The following SCGB2A1 variants were observed in gnomAD, a reference collection of about 807,000 sequenced individuals.
SCGB2A1 encodes mammaglobin-B.
In SCGB2A1, 6 loss-of-function variants were observed where a neutral mutation model predicts 9.2. That is an observed-to-expected ratio of 0.66 (90% confidence interval 0.36 to 1.29). SCGB2A1 has a LOEUF of 1.29. Among genes scored for constraint, SCGB2A1 ranks in the 50% most tolerant of loss-of-function variants. The pLI, the probability that SCGB2A1 is intolerant of heterozygous loss-of-function variation, is 0.03. For missense variants in SCGB2A1, 138 were observed against 116.9 expected (o/e 1.18, Z -0.83); for synonymous variants, 37 against 41.0 (o/e 0.90, Z 0.37).
intron 2 of SCGB2A1, among the ~76,000 whole-genome samples, chr11:62,211,133 A>C (rs1944828085): frequency 6.6e-6 from 1 of 152,064 alleles, no homozygotes; most frequent in Non-Finnish European, 1.5e-5. Context: ...CATGTTGGCC[A>C]GGCTGGTCTC....
Position 62,210,509 on chromosome 11 carries a change from A to G in SCGB2A1, c.152A>G (p.Asp51Gly), listed in dbSNP as rs1944820892. The G allele has an allele frequency of 1.3e-6, 2 of 1,597,052 alleles. No homozygotes were observed. The highest frequency in any genetic ancestry group is 2.4e-5 in the South Asian group (2 of 84,876). The part of the protein sequence containing the change: ...EYKELLQEFI[D>G]SDAAAEAMGK... ...AAAGAGCTTCTTCAAGAGTTCATAGACAGTGATGCCGCTGCAGAGGCTATG... is the reference window on the plus strand; with the variant it reads ...AAAGAGCTTCTTCAAGAGTTCATAGGCAGTGATGCCGCTGCAGAGGCTATG... The change falls in exon 2 of 3, where the codon GAC (aspartate) becomes GGC (glycine). Residue 51 changes from aspartate to glycine, a missense_variant. By Grantham distance (94) the Asp-to-Gly change is moderately conservative. Transcript: ENST00000244930.
At chr11:62,212,408 G>A (rs1032409351) in intron 2 of SCGB2A1, among the ~76,000 whole-genome samples, 2 of 151,408 alleles carry the variant, frequency 1.3e-5, no homozygotes, top group East Asian at 4.0e-4. Flanking sequence ...GCCAAGGCGG[G>A]CAGATCACTT....
chr11:62,213,926 A>C lies in SCGB2A1; in HGVS notation c.*156A>C. The C allele has an allele frequency of 3.4e-6, 2 of 579,712 alleles. No homozygotes were observed. The highest frequency in any genetic ancestry group is 3.0e-6 in the Non-Finnish European group (1 of 331,132). The allele number at this position is 579,712 out of a possible 1,614,324, so 35.9% of individuals were successfully genotyped here. A position where few individuals can be genotyped will look rare whatever the true frequency, so the allele number is the denominator to read the frequency against. On this transcript the variant is annotated 3_prime_UTR_variant, in exon 3 of 3. Coordinates refer to ENST00000244930, the MANE Select transcript of SCGB2A1 (RefSeq NM_002407.3). ...AAATTCATTTCCATTTCAATAAACT[A>C]ACTGCAAATCACTAAAATTCTTTCT...
chr11:62,213,116 T>TTTTTGTAGAGATGGCATTTTGTCA (rs1590656027), intron 2 of SCGB2A1, among the ~76,000 whole-genome samples: 3 of 123,924 alleles, frequency 2.4e-5, no homozygotes, highest in East Asian at 2.5e-4. Context: ...ATTTTTTTTT[T>TTTTTGTAGAGATGGCATTTTGTCA]TGTAGAGATG....
At chr11:62,211,589 G>A (rs1289070735) in intron 2 of SCGB2A1, among the ~76,000 whole-genome samples, 5 of 151,970 alleles carry the variant, frequency 3.3e-5, no homozygotes, top group Non-Finnish European at 7.4e-5. Context: ...TAGTAGAGAT[G>A]AGATTTTACC....
intron 1 of SCGB2A1, 27 bp from the exon 2 acceptor site, chr11:62,210,386 C>CTTT (rs201416395): frequency 3.8e-4 from 513 of 1,348,844 alleles, no homozygotes; most frequent in African/African-American, 2.5e-3. Flanking sequence ...GTTCTTGTGT[C>CTTT]TTTTTTTTTT....
rs575363472 is a variant in SCGB2A1 at position 62,212,931 on chromosome 11, T to C, written c.244-795T>C. ...ATACATATATATACACACACACATA[T>C]ATACACACATATGTACACACATATG... On this transcript the variant is annotated intron_variant, in intron 2 of 2. Coordinates refer to ENST00000244930, the MANE Select transcript of SCGB2A1 (RefSeq NM_002407.3). 1.3e-3 allele frequency among the ~76,000 whole-genome samples: 183 copies of C among 142,398 alleles called. 2 individuals are homozygous for C. The highest frequency in any genetic ancestry group is 2.9e-3 in the African/African-American group (118 of 40,154). The allele number at this position is 142,398 out of a possible 152,430, so 93.4% of individuals were successfully genotyped here.
At chr11:62,213,012 G>GCACATATA (rs1944846296) in intron 2 of SCGB2A1, among the ~76,000 whole-genome samples, 1 of 139,024 alleles carries the variant, frequency 7.2e-6, no homozygotes, top group Non-Finnish European at 1.5e-5. Context: ...ACACATATAT[G>GCACATATA]CACATATATA....
chr11:62,212,461 C>G (rs764677547), intron 2 of SCGB2A1, among the ~76,000 whole-genome samples: 3 of 151,476 alleles, frequency 2.0e-5, no homozygotes, highest in South Asian at 4.2e-4. Flanking sequence ...ATGCTGAAAC[C>G]CTGTCTCTAC....
At position 62,213,544 on chromosome 11, in the gene SCGB2A1, A is replaced by T. The variant is rs367700897; in HGVS notation, c.244-182A>T. ...CCTACAACCCTGGCCCCTGTTTGGC[A>T]TTATGAAGTGTCTCCTAGATAACAG... On this transcript the variant is annotated intron_variant, in intron 2 of 2. Transcript: ENST00000244930. 21 of 573,022 alleles carry T rather than the reference A, an allele frequency of 3.7e-5. No individual in the cohort carries two copies. In the Admixed American group the frequency reaches 7.1e-4, roughly 19 times the overall value. The allele number at this position is 573,022 out of a possible 1,614,324, so 35.5% of individuals were successfully genotyped here.
intron 2 of SCGB2A1, among the ~76,000 whole-genome samples, chr11:62,211,753 A>G (rs1488563799): frequency 6.6e-6 from 1 of 152,188 alleles, no homozygotes; most frequent in Non-Finnish European, 1.5e-5. Flanking sequence ...GTTAGCATAC[A>G]TGACTGGAAG....
At chr11:62,211,036 G>T (rs1215402284) in intron 2 of SCGB2A1, among the ~76,000 whole-genome samples, 1 of 151,130 alleles carries the variant, frequency 6.6e-6, no homozygotes, top group Non-Finnish European at 1.5e-5. Context: ...AGATTTGCCT[G>T]CCTCCACCTC....
At chr11:62,213,073 TATATACACATATATACAC>T (rs1464742619) in intron 2 of SCGB2A1, among the ~76,000 whole-genome samples, 728 of 26,094 alleles carry the variant, frequency 0.028, 21 homozygotes, top group African/African-American at 0.05. Flanking sequence ...CATATATACA[TATATACACATATATACAC>T]ATATATATAT....
Position 62,210,455 on chromosome 11 carries a change from T to C in SCGB2A1, c.98T>C (p.Ile33Thr). 6.6e-7 allele frequency: 1 copy of C among 1,507,950 alleles called. No individual in the cohort carries two copies. The highest frequency in any genetic ancestry group is 8.9e-7 in the Non-Finnish European group (1 of 1,118,420). 93.4% of individuals were successfully genotyped at this position (1,507,950 alleles called of 1,614,324 possible). A position where few individuals can be genotyped will look rare whatever the true frequency, so the allele number is the denominator to read the frequency against. ...CTGGAGGACATGGTTGAAAAGACCA[T>C]CAATTCCGACATATCTATACCTGAA... ...KLLEDMVEKTINSDISIPEYK... is the reference protein window; with the variant it reads ...KLLEDMVEKTTNSDISIPEYK... Residue 33 changes from isoleucine (I) to threonine (T), a missense_variant, in exon 2 of 3, where the codon ATC becomes ACC. Physicochemically the swap from Ile to Thr is moderately conservative, Grantham distance 89. Coordinates refer to ENST00000244930, the MANE Select transcript of SCGB2A1 (RefSeq NM_002407.3).
At chr11:62,209,635 A>ATGTGTGTGCG (rs1554985474) in intron 1 of SCGB2A1, among the ~76,000 whole-genome samples, 1 of 142,104 alleles carries the variant, frequency 7.0e-6, no homozygotes, top group African/African-American at 2.6e-5. Flanking sequence ...TTTCACATTC[A>ATGTGTGTGCG]TGTGTGTGTG....
intron 2 of SCGB2A1, among the ~76,000 whole-genome samples, chr11:62,213,050 A>ACG (rs1281683338): frequency 1.1e-4 from 9 of 78,992 alleles, no homozygotes; most frequent in African/African-American, 3.3e-4. Flanking sequence ...ATACATATAT[A>ACG]CACATATATA....
intron 1 of SCGB2A1, among the ~76,000 whole-genome samples, chr11:62,210,151 C>A (rs1944816598): frequency 6.6e-6 from 1 of 152,202 alleles, no homozygotes; most frequent in South Asian, 2.1e-4. Context: ...AGTCAGAACA[C>A]CTCATTTCTC....
intron 1 of SCGB2A1, among the ~76,000 whole-genome samples, chr11:62,209,635 ATGTGTGTG>A (rs60357410): frequency 0.019 from 2,704 of 142,182 alleles, 34 homozygotes; most frequent in South Asian, 0.051. Context: ...TTTCACATTC[ATGTGTGTG>A]TGTGTGTGTG....
chr11:62,213,695 C>T, intron 2 of SCGB2A1, 31 bp from the exon 3 acceptor site: 9 of 1,593,156 alleles, frequency 5.6e-6, no homozygotes, highest in Non-Finnish European at 7.7e-6. Context: ...GTGAAATTTG[C>T]AAACCTAAGT....
Sources: allele counts gnomAD v4.1 joint callset (sites outside exome capture counted in the v4.1 genomes callset), GRCh38; gene constraint gnomAD v4.1.1; transcripts MANE v1.5; gene names NCBI Gene and HGNC (gene_info 2026-07-23, HGNC 2026-07-21).